FBXL7: variants seen among roughly 807,000 people sequenced by gnomAD.
FBXL7 encodes the protein F-box and leucine rich repeat protein 7.
A neutral mutation model predicts 38.3 loss-of-function variants in FBXL7; 12 were observed. The observed-to-expected ratio is 0.31, with a 90% CI of 0.20 to 0.51. FBXL7 has a LOEUF of 0.51. Among genes scored for constraint, FBXL7 ranks in the 20% least tolerant of loss-of-function variants. The pLI is 0.98. For synonymous variants in FBXL7, 297 were observed against 300.9 expected (o/e 0.99, Z 0.13); for missense variants, 567 against 676.4 (o/e 0.84, Z 1.79).
chr5:15,760,357 AT>A (rs1645895063), intron 2 of FBXL7, among the ~76,000 whole-genome samples: 1 of 151,582 alleles, frequency 6.6e-6, no homozygotes, highest in Non-Finnish European at 1.5e-5. Flanking sequence ...TTGATTATAT[AT>A]TCACTTCAGG....
At chr5:15,780,707 T>C (rs1736969431) in intron 2 of FBXL7, among the ~76,000 whole-genome samples, 1 of 152,178 alleles carries the variant, frequency 6.6e-6, no homozygotes, top group African/African-American at 2.4e-5. Context: ...AAATTCAGCC[T>C]TTTCAAAAAC....
intron 1 of FBXL7, among the ~76,000 whole-genome samples, chr5:15,516,856 T>TC (rs1468921184): frequency 6.6e-6 from 1 of 152,136 alleles, no homozygotes; most frequent in Non-Finnish European, 1.5e-5. Flanking sequence ...TTGCTTCCCC[T>TC]TCTGCCGTGA....
At chr5:15,896,339 A>G (rs1741103172) in intron 2 of FBXL7, among the ~76,000 whole-genome samples, 1 of 152,154 alleles carries the variant, frequency 6.6e-6, no homozygotes, top group Admixed American at 6.5e-5. Context: ...AGAGGCATGG[A>G]TACTAAAATT....
In FBXL7 at chr5:15,623,868, CAG is replaced by C. The variant is rs111306791; in HGVS notation, c.127+7797_127+7798del. On this transcript the variant is annotated intron_variant, in intron 2 of 3. Coordinates refer to ENST00000504595, the MANE Select transcript of FBXL7 (RefSeq NM_012304.5). ...AAATGTTTTCATTTTGCAGATGAAA[CAG>C]GGAAACTCAGAAAGGATCAGTTGGG... is the stretch of plus-strand genomic sequence containing the variant. Among the ~76,000 whole-genome samples, 1,020 of 152,232 alleles carry C rather than the reference CAG, an allele frequency of 6.7e-3. 9 individuals are homozygous for C. Among genetic ancestry groups the C allele is most frequent in the African/African-American group, 0.024 (990 of 41,530 alleles).
intron 1 of FBXL7, among the ~76,000 whole-genome samples, chr5:15,605,372 A>G (rs933699440): frequency 4.6e-5 from 7 of 152,210 alleles, no homozygotes; most frequent in South Asian, 2.1e-4. Context: ...AAAATATGGT[A>G]TACACACAGA....
At chr5:15,564,410 G>A (rs868348580) in intron 1 of FBXL7, among the ~76,000 whole-genome samples, 5 of 148,498 alleles carry the variant, frequency 3.4e-5, no homozygotes, top group South Asian at 2.1e-4. Context: ...GTGTGTGTGT[G>A]TGTGTATGTG....
chr5:15,781,627 G>GA (rs1302509132), intron 2 of FBXL7, among the ~76,000 whole-genome samples: 8 of 152,090 alleles, frequency 5.3e-5, no homozygotes, highest in Non-Finnish European at 1.2e-4. Flanking sequence ...CCTCTGGGGA[G>GA]AAAAGGGAGC....
At chr5:15,753,940 C>T (rs1168941739) in intron 2 of FBXL7, among the ~76,000 whole-genome samples, 3 of 152,304 alleles carry the variant, frequency 2.0e-5, no homozygotes, top group East Asian at 1.9e-4. Flanking sequence ...AGCAACTGGG[C>T]GTGGGGCCAT....
chr5:15,796,711 T>A (rs76588445), intron 2 of FBXL7, among the ~76,000 whole-genome samples: 1 of 151,904 alleles, frequency 6.6e-6, no homozygotes, highest in Non-Finnish European at 1.5e-5. Context: ...CAGCAGGGAG[T>A]ATTTTCCCTC....
At chr5:15,915,145 T>TA (rs369937225) in intron 2 of FBXL7, among the ~76,000 whole-genome samples, 1 of 152,162 alleles carries the variant, frequency 6.6e-6, no homozygotes, top group African/African-American at 2.4e-5. Context: ...ATACATACTC[T>TA]AAAAAATGGA....
chr5:15,755,061 T>C (rs1198004699), intron 2 of FBXL7, among the ~76,000 whole-genome samples: 1 of 152,204 alleles, frequency 6.6e-6, no homozygotes, highest in Non-Finnish European at 1.5e-5. Flanking sequence ...ATTTAGGAAA[T>C]CCCTTCTGCC....
intron 2 of FBXL7, among the ~76,000 whole-genome samples, chr5:15,701,589 T>A (rs992097864): frequency 1.3e-5 from 2 of 152,122 alleles, no homozygotes; most frequent in East Asian, 3.9e-4. Flanking sequence ...CTTAAGAGAA[T>A]CTCTCAGTTG....
intron 1 of FBXL7, among the ~76,000 whole-genome samples, chr5:15,515,451 A>G (rs16903897): frequency 0.035 from 5,253 of 152,254 alleles, 299 homozygotes; most frequent in African/African-American, 0.12. Flanking sequence ...TTGACTGCAG[A>G]TGGGTCTAGA....
chr5:15,717,066 C>T (rs554203605), intron 2 of FBXL7, among the ~76,000 whole-genome samples: 4 of 152,144 alleles, frequency 2.6e-5, no homozygotes, highest in Non-Finnish European at 5.9e-5. Context: ...TATGACTTTA[C>T]CTAAACCATT....
At chr5:15,920,359 T>C (rs1741707046) in intron 2 of FBXL7, among the ~76,000 whole-genome samples, 1 of 152,186 alleles carries the variant, frequency 6.6e-6, no homozygotes, top group South Asian at 2.1e-4. Context: ...TATTAAATGA[T>C]CCAATAAACA....
intron 1 of FBXL7, among the ~76,000 whole-genome samples, chr5:15,526,217 C>T (rs1397707691): frequency 6.6e-6 from 1 of 151,958 alleles, no homozygotes; most frequent in Non-Finnish European, 1.5e-5. Flanking sequence ...ATGTGTGATG[C>T]AGGAGGCTGG....
chr5:15,671,450 GT>G (rs59520625), intron 2 of FBXL7, among the ~76,000 whole-genome samples: 54,599 of 147,706 alleles, frequency 0.37, 10,109 homozygotes, highest in East Asian at 0.49. Context: ...AACAATTGGT[GT>G]TTTTTTTTTT....
intron 2 of FBXL7, among the ~76,000 whole-genome samples, chr5:15,721,324 G>A (rs1744188630): frequency 6.6e-6 from 1 of 151,998 alleles, no homozygotes; most frequent in Non-Finnish European, 1.5e-5. Context: ...ACAGAGATCT[G>A]TGAGTATTAC....
At chr5:15,770,492 G>A (rs1178954793) in intron 2 of FBXL7, among the ~76,000 whole-genome samples, 4 of 152,102 alleles carry the variant, frequency 2.6e-5, no homozygotes, top group Non-Finnish European at 5.9e-5. Flanking sequence ...GCCAACTTAC[G>A]ACCGTGAGGC....
Sources: gnomAD v4.1 joint callset for allele counts (sites outside exome capture counted in the v4.1 genomes callset) on GRCh38, gnomAD v4.1.1 for gene constraint, MANE v1.5 for transcripts, NCBI Gene and HGNC (gene_info 2026-07-23, HGNC 2026-07-21) for gene names.